Variants in ASTN2 observed in about 807,000 individuals in gnomAD.
ASTN2 encodes astrotactin-2.
A neutral mutation model predicts 139.8 loss-of-function variants in ASTN2; 54 were observed. The observed-to-expected ratio is 0.39, with a 90% CI of 0.31 to 0.48. ASTN2 has a LOEUF of 0.48. ASTN2 is among the 20% of genes least tolerant of loss of function. ASTN2 has a pLI of 0.95. For synonymous variants in ASTN2, 756 were observed against 719.5 expected (o/e 1.05, Z -0.81); for missense variants, 1,565 against 1,725.1 (o/e 0.91, Z 1.64).
At chr9:116,942,385 C>T (rs978179756) in intron 10 of ASTN2, among the ~76,000 whole-genome samples, 1 of 152,176 alleles carries the variant, frequency 6.6e-6, no homozygotes, top group Non-Finnish European at 1.5e-5. Context: ...CTTCCTACCT[C>T]CTTTAGGGTT....
At chr9:116,826,027 G>A (rs1055714740) in intron 11 of ASTN2, among the ~76,000 whole-genome samples, 3 of 152,166 alleles carry the variant, frequency 2.0e-5, no homozygotes, top group Middle Eastern at 3.2e-3. Context: ...TGGATAGACT[G>A]TACTTCCCAC....
chr9:117,378,840 T>G (rs1830191889), intron 1 of ASTN2, among the ~76,000 whole-genome samples: 1 of 152,108 alleles, frequency 6.6e-6, no homozygotes. Flanking sequence ...GTGTTGGAGG[T>G]GGGGCCTAGT....
intron 17 of ASTN2, among the ~76,000 whole-genome samples, chr9:116,635,390 C>T (rs887988904): frequency 6.6e-6 from 1 of 152,162 alleles, no homozygotes; most frequent in African/African-American, 2.4e-5. Context: ...CTCACTAAAA[C>T]CTCTAAAATA....
At chr9:116,732,918 C>T (rs946704891) in intron 14 of ASTN2, among the ~76,000 whole-genome samples, 2 of 152,156 alleles carry the variant, frequency 1.3e-5, no homozygotes, top group African/African-American at 4.8e-5. Flanking sequence ...TAATACCCAC[C>T]CCACAGATGG....
chr9:117,025,967 G>A (rs1309024324), intron 6 of ASTN2, among the ~76,000 whole-genome samples: 1 of 151,872 alleles, frequency 6.6e-6, no homozygotes, highest in Non-Finnish European at 1.5e-5. Context: ...GTTTCACTGT[G>A]TTGGTCAGGC....
At chr9:116,834,825 G>A (rs10123794) in intron 11 of ASTN2, among the ~76,000 whole-genome samples, 36,063 of 152,076 alleles carry the variant, frequency 0.24, 4,915 homozygotes, top group East Asian at 0.5. Flanking sequence ...AGGCAGGATG[G>A]TCACTTAAGG....
At chr9:117,369,883 AC>A (rs1395645995) in intron 1 of ASTN2, among the ~76,000 whole-genome samples, 2 of 151,858 alleles carry the variant, frequency 1.3e-5, no homozygotes, top group African/African-American at 4.8e-5. Context: ...TAGAGGAGGA[AC>A]CCCATCCACA....
intron 7 of ASTN2, 64 bp downstream of exon 7, chr9:117,008,027 GC>G (rs1424959780): frequency 5.5e-6 from 8 of 1,461,902 alleles, no homozygotes; most frequent in Non-Finnish European, 7.3e-6. Flanking sequence ...GGTAGAGGGA[GC>G]ACAATGCCTC....
chr9:116,581,486 T>C (rs1400209062), intron 19 of ASTN2, among the ~76,000 whole-genome samples: 3 of 152,218 alleles, frequency 2.0e-5, no homozygotes, highest in African/African-American at 7.2e-5. Flanking sequence ...CAGTTGGCTT[T>C]ATCAAGATAA....
intron 4 of ASTN2, among the ~76,000 whole-genome samples, chr9:117,120,864 C>G (rs1315309239): frequency 6.6e-6 from 1 of 152,186 alleles, no homozygotes; most frequent in Non-Finnish European, 1.5e-5. Context: ...ATCATATTCA[C>G]ATTTAATTCA....
In ASTN2 at chr9:117,411,344, A is replaced by G. The variant is rs1165707863; in HGVS notation, c.442+3153T>C. On this transcript the variant is annotated intron_variant, in intron 1 of 22. Transcript: ENST00000313400. ...AGATTCTAAAGAAGAATCCCAGGCA[A>G]ACAAACTTTGGAGATAGTTCACAAC... 2.0e-5 allele frequency among the ~76,000 whole-genome samples: 3 copies of G among 151,986 alleles called. No individual in the cohort carries two copies. In the East Asian group the frequency reaches 5.8e-4, roughly 29 times the overall value.
chr9:116,440,474 C>T, intron 22 of ASTN2, 135 bp downstream of exon 22: 1 of 794,770 alleles, frequency 1.3e-6, no homozygotes, highest in Non-Finnish European at 2.0e-6. Flanking sequence ...CTATCTTTAG[C>T]CTTGACACGA....
At chr9:117,016,656 A>G (rs376932432) in intron 6 of ASTN2, among the ~76,000 whole-genome samples, 2 of 26,814 alleles carry the variant, frequency 7.5e-5, no homozygotes, top group Non-Finnish European at 1.7e-4. Flanking sequence ...ATATATATAT[A>G]ACCTATATAT....
At chr9:116,476,151 A>G (rs1588094045) in intron 20 of ASTN2, among the ~76,000 whole-genome samples, 1 of 152,112 alleles carries the variant, frequency 6.6e-6, no homozygotes, top group African/African-American at 2.4e-5. Flanking sequence ...TCAGCTTCGG[A>G]TGGCCCGAGG....
At chr9:116,753,649 T>G (rs1829458724) in intron 13 of ASTN2, among the ~76,000 whole-genome samples, 1 of 152,232 alleles carries the variant, frequency 6.6e-6, no homozygotes, top group African/African-American at 2.4e-5. Context: ...TTAATTTTTC[T>G]ATAAACATAA....
intron 11 of ASTN2, among the ~76,000 whole-genome samples, chr9:116,826,377 C>T (rs769558859): frequency 2.0e-5 from 3 of 152,208 alleles, no homozygotes; most frequent in Non-Finnish European, 4.4e-5. Context: ...GCATTTAATG[C>T]TGGACTATGT....
chr9:116,802,576 T>C (rs1830892326), intron 13 of ASTN2, among the ~76,000 whole-genome samples: 1 of 152,242 alleles, frequency 6.6e-6, no homozygotes, highest in Non-Finnish European at 1.5e-5. Context: ...ACTACCCATG[T>C]GGATCCTTCT....
In ASTN2 at chr9:116,671,862, C is replaced by T. The variant is rs528492623; in HGVS notation, c.2807-20069G>A. 4.6e-5 allele frequency among the ~76,000 whole-genome samples: 7 copies of T among 152,230 alleles called. No individual in the cohort carries two copies. In the East Asian group the frequency reaches 1.4e-3, roughly 29 times the overall value. On this transcript the variant is annotated intron_variant, in intron 16 of 22. Transcript: ENST00000313400. ...GAAAATGGCTACTTCCCCATTTCAGCCTTCAGATGAGACCACAGCTTCTGC... is the reference window on the plus strand; with the variant it reads ...GAAAATGGCTACTTCCCCATTTCAGTCTTCAGATGAGACCACAGCTTCTGC...
intron 2 of ASTN2, among the ~76,000 whole-genome samples, chr9:117,287,339 A>T (rs1479610740): frequency 1.3e-5 from 2 of 152,200 alleles, no homozygotes; most frequent in African/African-American, 4.8e-5. Context: ...CTCATAAAAT[A>T]CCCATGGATT....
Sources: allele counts gnomAD v4.1 joint callset (sites outside exome capture counted in the v4.1 genomes callset), GRCh38; gene constraint gnomAD v4.1.1; transcripts MANE v1.5; gene names NCBI Gene and HGNC (gene_info 2026-07-23, HGNC 2026-07-21).